The following ANK3 variants were observed in gnomAD, a reference collection of about 807,000 sequenced individuals.
ANK3 encodes ankyrin-3.
In ANK3, 57 loss-of-function variants were observed where a neutral mutation model predicts 370.9. The observed-to-expected ratio is 0.15, with a 90% CI of 0.12 to 0.19. ANK3 has a LOEUF of 0.19. Ranked by LOEUF, ANK3 falls within the 10% of genes least tolerant of loss-of-function variation. ANK3 has a pLI of 1.00. For missense variants in ANK3, 4,439 were observed against 5,302.1 expected, an observed-to-expected ratio of 0.84 and a Z score of 5.06; for synonymous variants, 1,929 against 1,946.3, an observed-to-expected ratio of 0.99 and a Z score of 0.23.
chr10:60,420,443 T>TAA (rs2063755383), intron 2 of ANK3, among the ~76,000 whole-genome samples: 1 of 152,056 alleles, frequency 6.6e-6, no homozygotes, highest in Non-Finnish European at 1.5e-5. Context: ...AGAGAGAGAA[T>TAA]GACCCCAGGC....
intron 2 of ANK3, among the ~76,000 whole-genome samples, chr10:60,473,044 G>GAGTATTTT (rs1411791282): frequency 6.6e-6 from 1 of 152,096 alleles, no homozygotes; most frequent in Middle Eastern, 3.2e-3. Flanking sequence ...ACACACTTGA[G>GAGTATTTT]AGTATTTTGA....
chr10:60,725,382 G>C (rs1288458105), intron 1 of ANK3, among the ~76,000 whole-genome samples: 2 of 152,028 alleles, frequency 1.3e-5, no homozygotes, highest in Non-Finnish European at 2.9e-5. Flanking sequence ...GGGACCTCTG[G>C]TACACATTCC....
intron 23 of ANK3, 151 bp downstream of exon 23, chr10:60,166,439 CA>C (rs2095625665): frequency 4.8e-6 from 3 of 630,164 alleles, no homozygotes; most frequent in Non-Finnish European, 8.3e-6. Context: ...CTAGTAGTAC[CA>C]GATATACATT....
chr10:60,084,909 A>G, intron 31 of ANK3, 79 bp from the exon 32 acceptor site: 1 of 1,124,144 alleles, frequency 8.9e-7, no homozygotes, highest in East Asian at 2.5e-5. Context: ...AATTAAAAAA[A>G]TCAGAATATG....
intron 1 of ANK3, among the ~76,000 whole-genome samples, chr10:60,705,824 C>CTTTT (rs11294932): frequency 2.1e-5 from 2 of 94,510 alleles, no homozygotes; most frequent in Non-Finnish European, 4.2e-5. Flanking sequence ...TTTTTTCTTT[C>CTTTT]TTTTTTTTTT....
intron 23 of ANK3, chr10:60,145,961 G>C (rs1298376506): frequency 7.4e-6 from 6 of 810,376 alleles, no homozygotes; most frequent in Non-Finnish European, 1.2e-5. Context: ...AGAGGAGGGA[G>C]ACTTACTTTT....
At chr10:60,226,470 G>A (rs1248484338) in intron 8 of ANK3, among the ~76,000 whole-genome samples, 1 of 91,182 alleles carries the variant, frequency 1.1e-5, no homozygotes, top group Non-Finnish European at 1.8e-5. Context: ...TATATACATA[G>A]TATATATACT....
intron 1 of ANK3, among the ~76,000 whole-genome samples, chr10:60,290,170 A>G (rs993848352): frequency 3.9e-5 from 6 of 152,216 alleles, no homozygotes; most frequent in Non-Finnish European, 7.3e-5. Context: ...CAACGGTGAC[A>G]TTCATACTAT....
At chr10:60,315,637 A>C (rs913006546) in intron 1 of ANK3, among the ~76,000 whole-genome samples, 5 of 152,160 alleles carry the variant, frequency 3.3e-5, no homozygotes, top group African/African-American at 7.2e-5. Flanking sequence ...TGTGGAGAGA[A>C]TGTTTTGGTA....
intron 1 of ANK3, among the ~76,000 whole-genome samples, chr10:60,332,449 T>C (rs1002592340): frequency 6.6e-6 from 1 of 152,236 alleles, no homozygotes; most frequent in Non-Finnish European, 1.5e-5. Flanking sequence ...ACTGTTCTGA[T>C]GTTAGCACCC....
At chr10:60,684,621 G>A in intron 1 of ANK3, 2 of 1,590,008 alleles carry the variant, frequency 1.3e-6, no homozygotes, top group South Asian at 2.2e-5. Flanking sequence ...TCTTATACAG[G>A]CTGCAGTTCA....
intron 1 of ANK3, among the ~76,000 whole-genome samples, chr10:60,633,672 C>CAG (rs977782777): frequency 6.6e-6 from 1 of 152,096 alleles, no homozygotes; most frequent in African/African-American, 2.4e-5. Flanking sequence ...GCAGGGAGGT[C>CAG]AGGACATTGG....
At chr10:60,691,234 A>T (rs1336751351) in intron 1 of ANK3, among the ~76,000 whole-genome samples, 1 of 152,084 alleles carries the variant, frequency 6.6e-6, no homozygotes, top group Non-Finnish European at 1.5e-5. Flanking sequence ...GATCATTCAT[A>T]CCCCAAACCC....
At chr10:60,066,441 A>C (rs1051049246) in intron 38 of ANK3, among the ~76,000 whole-genome samples, 2 of 152,216 alleles carry the variant, frequency 1.3e-5, no homozygotes, top group Admixed American at 1.3e-4. Flanking sequence ...ATATGTATAC[A>C]TAATAAATTA....
intron 28 of ANK3, among the ~76,000 whole-genome samples, chr10:60,091,730 A>AT (rs1316739604): frequency 1.4e-4 from 19 of 135,026 alleles, no homozygotes; most frequent in South Asian, 2.5e-4. Context: ...TAATCTGCAC[A>AT]TTTTTGTTTT....
rs769249072 is a variant in ANK3, at chr10:60,055,832, T to A, written c.12891A>T (p.Ala4297=). 6.2e-7 allele frequency: 1 copy of A among 1,614,222 alleles called. No homozygotes were observed. Among genetic ancestry groups the A allele is most frequent in the South Asian group, 1.1e-5 (1 of 91,082 alleles). The stretch of plus-strand genomic sequence containing the variant: ...ATTTCTGATATGCTGCTAGTGGTGA[T>A]GCTGGTTCTTCAACATGACCAGATC... ...IHGSGHVEEP[A]SPLAAYQKSL... The change falls in exon 42 of 44, where the codon GCA becomes GCT. Residue 4297 remains alanine (A), a synonymous_variant. Coordinates refer to ENST00000280772, the MANE Select transcript of ANK3 (RefSeq NM_020987.5).
At chr10:60,144,521 C>T (rs2094718421) in intron 23 of ANK3, among the ~76,000 whole-genome samples, 1 of 152,196 alleles carries the variant, frequency 6.6e-6, no homozygotes, top group South Asian at 2.1e-4. Context: ...CCCAAATCTA[C>T]CTGATCCCAC....
intron 1 of ANK3, among the ~76,000 whole-genome samples, chr10:60,624,181 C>G (rs1339917845): frequency 6.6e-6 from 1 of 152,064 alleles, no homozygotes; most frequent in Non-Finnish European, 1.5e-5. Flanking sequence ...CAAACTTGCA[C>G]ATGTACCCCT....
At chr10:60,378,000 GT>G (rs1356087566) in intron 1 of ANK3, among the ~76,000 whole-genome samples, 2 of 152,162 alleles carry the variant, frequency 1.3e-5, no homozygotes, top group Admixed American at 6.5e-5. Flanking sequence ...AAAAGCATCT[GT>G]TTTTGTCTAA....
Sources: allele counts gnomAD v4.1 joint callset (sites outside exome capture counted in the v4.1 genomes callset), GRCh38; gene constraint gnomAD v4.1.1; transcripts MANE v1.5; gene names NCBI Gene and HGNC (gene_info 2026-07-23, HGNC 2026-07-21).